SLC22A3: variants seen among roughly 807,000 people sequenced by gnomAD.
The protein encoded by SLC22A3 is EMT organic cation transporter 3.
In SLC22A3, 51 loss-of-function variants were observed where a neutral mutation model predicts 59.1. The ratio of observed to expected loss-of-function variants is 0.86; its 90% CI spans 0.69 to 1.09. The LOEUF (loss-of-function observed/expected upper bound fraction) is 1.09. SLC22A3 is among the 50% of genes least tolerant of loss of function. The pLI is 0.00. For synonymous variants in SLC22A3, 325 were observed against 292.0 expected, an observed-to-expected ratio of 1.11 and a Z score of -1.15; for missense variants, 711 against 726.3, an observed-to-expected ratio of 0.98 and a Z score of 0.24.
chr6:160,437,751 A>G (rs758665253), intron 7 of SLC22A3, among the ~76,000 whole-genome samples: 1 of 152,254 alleles, frequency 6.6e-6, no homozygotes, highest in Non-Finnish European at 1.5e-5. Flanking sequence ...GGAGTGATCA[A>G]TCCAGAAGGG....
intron 1 of SLC22A3, among the ~76,000 whole-genome samples, chr6:160,358,854 G>A (rs773633995): frequency 5.3e-5 from 8 of 152,182 alleles, no homozygotes; most frequent in Non-Finnish European, 1.2e-4. Flanking sequence ...GCAGAGGGAC[G>A]CTGGGACAGA....
chr6:160,358,814 A>G (rs541746530), intron 1 of SLC22A3, among the ~76,000 whole-genome samples: 1 of 152,242 alleles, frequency 6.6e-6, no homozygotes, highest in South Asian at 2.1e-4. Flanking sequence ...CTCACTCAGA[A>G]CCCCACACTT....
intron 10 of SLC22A3, among the ~76,000 whole-genome samples, chr6:160,449,386 T>C (rs1788866501): frequency 6.6e-6 from 1 of 152,080 alleles, no homozygotes; most frequent in Non-Finnish European, 1.5e-5. Flanking sequence ...TAATTTTTCA[T>C]AATGAAAAGT....
chr6:160,436,248 T>G (rs1317668839), intron 5 of SLC22A3, among the ~76,000 whole-genome samples: 1 of 152,180 alleles, frequency 6.6e-6, no homozygotes, highest in Non-Finnish European at 1.5e-5. Context: ...ATAGCAGTAT[T>G]TGTTGAATTG....
intron 1 of SLC22A3, among the ~76,000 whole-genome samples, chr6:160,389,558 G>A (rs532175568): frequency 1.3e-5 from 2 of 152,334 alleles, no homozygotes; most frequent in African/African-American, 4.8e-5. Context: ...CTGATGTGCA[G>A]CGTGGCATGT....
At position 160,348,802 on chromosome 6, in the gene SLC22A3, G is replaced by A; in HGVS notation, c.383G>A (p.Arg128His). ...PNRSAPLVPCRGGWRYAQAHS... is the reference protein window; with the variant it reads ...PNRSAPLVPCHGGWRYAQAHS... ...CGCTCGGCTCCCCTTGTGCCGTGCC[G>A]CGGCGGCTGGCGCTACGCCCAGGCC... Residue 128 changes from arginine (R) to histidine (H), a missense_variant, in exon 1 of 11, where the codon CGC (arginine) becomes CAC (histidine). Arg to His is a conservative substitution (Grantham distance 29, BLOSUM62 0). Coordinates refer to ENST00000275300, the MANE Select transcript of SLC22A3 (RefSeq NM_021977.4). 6.3e-7 allele frequency: 1 copy of A among 1,578,286 alleles called. No homozygotes were observed. The highest frequency in any genetic ancestry group is 8.5e-7 in the Non-Finnish European group (1 of 1,170,524).
intron 1 of SLC22A3, among the ~76,000 whole-genome samples, chr6:160,376,903 T>A (rs1785616706): frequency 6.6e-6 from 1 of 152,206 alleles, no homozygotes; most frequent in African/African-American, 2.4e-5. Flanking sequence ...TGACCTCAGG[T>A]CCCATGACAA....
At chr6:160,364,944 T>A (rs2457556) in intron 1 of SLC22A3, among the ~76,000 whole-genome samples, 2 of 152,046 alleles carry the variant, frequency 1.3e-5, no homozygotes, top group Admixed American at 6.5e-5. Context: ...TTTACCTTAT[T>A]GAGTTTATAT....
chr6:160,361,465 A>T (rs536977751), intron 1 of SLC22A3, among the ~76,000 whole-genome samples: 2 of 152,352 alleles, frequency 1.3e-5, no homozygotes, highest in East Asian at 3.9e-4. Flanking sequence ...TGCTACTCTA[A>T]TCAAGGGTCG....
chr6:160,390,450 G>A (rs986566675), intron 1 of SLC22A3, among the ~76,000 whole-genome samples: 5 of 152,134 alleles, frequency 3.3e-5, no homozygotes, highest in African/African-American at 1.2e-4. Flanking sequence ...CTTCTCCTGT[G>A]CTCCATCTTT....
At chr6:160,380,858 A>G (rs2114794589) in intron 1 of SLC22A3, among the ~76,000 whole-genome samples, 1 of 152,316 alleles carries the variant, frequency 6.6e-6, no homozygotes, top group South Asian at 2.1e-4. Flanking sequence ...CGGCATTGGG[A>G]CTTTTCTAGA....
intron 2 of SLC22A3, among the ~76,000 whole-genome samples, chr6:160,401,998 AT>A (rs1786802833): frequency 6.6e-6 from 1 of 151,964 alleles, no homozygotes. Flanking sequence ...CAAATAGAAG[AT>A]GATAACAAAT....
intron 5 of SLC22A3, among the ~76,000 whole-genome samples, chr6:160,431,306 G>A (rs1318976201): frequency 3.9e-5 from 6 of 152,170 alleles, no homozygotes; most frequent in Admixed American, 3.9e-4. Context: ...CGGCGCAGGA[G>A]TTGCCAAGAT....
intron 1 of SLC22A3, among the ~76,000 whole-genome samples, chr6:160,375,444 G>A (rs1430109857): frequency 2.0e-5 from 3 of 151,336 alleles, no homozygotes; most frequent in Non-Finnish European, 4.4e-5. Context: ...ACATTTCCTA[G>A]CCCCCCCACC....
At chr6:160,350,877 G>A (rs1223771100) in intron 1 of SLC22A3, among the ~76,000 whole-genome samples, 3 of 152,148 alleles carry the variant, frequency 2.0e-5, no homozygotes, top group Non-Finnish European at 2.9e-5. Context: ...AGCTGGCTGT[G>A]TGGCTTGGGT....
intron 9 of SLC22A3, among the ~76,000 whole-genome samples, chr6:160,447,443 C>A (rs1190878295): frequency 1.3e-5 from 2 of 152,086 alleles, no homozygotes; most frequent in Admixed American, 1.3e-4. Flanking sequence ...GGTGTTGGAC[C>A]CTAAGAAGGA....
chr6:160,393,080 A>G (rs934871357), intron 1 of SLC22A3, among the ~76,000 whole-genome samples: 1 of 151,966 alleles, frequency 6.6e-6, no homozygotes, highest in African/African-American at 2.4e-5. Context: ...ACCGCAAATG[A>G]GGGCTATTTC....
intron 1 of SLC22A3, among the ~76,000 whole-genome samples, chr6:160,368,485 G>C (rs182315583): frequency 6.6e-6 from 1 of 151,976 alleles, no homozygotes; most frequent in Non-Finnish European, 1.5e-5. Flanking sequence ...ACCTGTCCAC[G>C]CTTAAACCTG....
At chr6:160,375,466 C>G (rs995785965) in intron 1 of SLC22A3, among the ~76,000 whole-genome samples, 8 of 152,026 alleles carry the variant, frequency 5.3e-5, no homozygotes, top group African/African-American at 1.7e-4. Context: ...CCCTCCACCC[C>G]CAAGCAATGG....
Sources: gnomAD v4.1 joint callset for allele counts (sites outside exome capture counted in the v4.1 genomes callset) on GRCh38, gnomAD v4.1.1 for gene constraint, MANE v1.5 for transcripts, NCBI Gene and HGNC (gene_info 2026-07-23, HGNC 2026-07-21) for gene names.